Variants in CLVS1 observed in about 807,000 individuals in gnomAD.
CLVS1 encodes the protein clavesin 1, also known as clavesin-1.
In CLVS1, 10 loss-of-function variants were observed where a neutral mutation model predicts 33.1. The ratio of observed to expected loss-of-function variants is 0.30; its 90% CI spans 0.19 to 0.51. The LOEUF (loss-of-function observed/expected upper bound fraction) is 0.51. Among genes scored for constraint, CLVS1 ranks in the 20% least tolerant of loss-of-function variants. The pLI, the probability that CLVS1 is intolerant of heterozygous loss-of-function variation, is 0.97. For missense variants in CLVS1, 343 were observed against 433.4 expected (o/e 0.79, Z 1.85); for synonymous variants, 163 against 166.1 (o/e 0.98, Z 0.14).
the CLVS1 span, among the ~76,000 whole-genome samples, chr8:61,033,006 A>ATAG: frequency 9.1e-6 from 1 of 109,610 alleles, no homozygotes; most frequent in African/African-American, 3.8e-5. Flanking sequence ...AGAAAGAAAG[A>ATAG]AAGAAAGAAA....
chr8:61,462,179 G>A (rs2129607340), intron 5 of CLVS1, among the ~76,000 whole-genome samples: 2 of 152,292 alleles, frequency 1.3e-5, no homozygotes, highest in East Asian at 3.9e-4. Flanking sequence ...TAACATTCAT[G>A]ACGGTTGGGC....
At chr8:61,477,137 C>T (rs138884343) in intron 5 of CLVS1, among the ~76,000 whole-genome samples, 101 of 152,248 alleles carry the variant, frequency 6.6e-4, no homozygotes, top group East Asian at 5.4e-3. Context: ...TTGCATCCCA[C>T]GGATGAAGCA....
chr8:61,284,966 C>T (rs1809746384), upstream of CLVS1, among the ~76,000 whole-genome samples: 1 of 152,122 alleles, frequency 6.6e-6, no homozygotes, highest in African/African-American at 2.4e-5. Flanking sequence ...CAGATCTAAG[C>T]TCTGTGCCTC....
At chr8:61,469,308 G>A (rs1817659758) in intron 5 of CLVS1, among the ~76,000 whole-genome samples, 2 of 152,150 alleles carry the variant, frequency 1.3e-5, no homozygotes, top group Non-Finnish European at 1.5e-5. Flanking sequence ...TGCCATAGAA[G>A]ACCTACTTCT....
At chr8:61,186,271 C>T (rs1807342370) in intron 2 of CLVS1, among the ~76,000 whole-genome samples, 2 of 152,206 alleles carry the variant, frequency 1.3e-5, no homozygotes, top group South Asian at 4.1e-4. Context: ...TTACTTTCTG[C>T]AAGATTAAAA....
intron 1 of CLVS1, among the ~76,000 whole-genome samples, chr8:61,074,844 A>G (rs1297224289): frequency 1.3e-5 from 2 of 152,210 alleles, no homozygotes; most frequent in African/African-American, 4.8e-5. Context: ...CAAATGTTAA[A>G]TGAATACATA....
At position 61,296,310 on chromosome 8, in the gene CLVS1, C is replaced by T. The variant is rs546026205; in HGVS notation, c.-151-3367C>T. ...GATATAGATTGAAGCAAATTTATTT[C>T]ACATATTATAGATTGGAGGCATAGC... On this transcript the variant is annotated intron_variant, in intron 1 of 5. Transcript: ENST00000325897. Among the ~76,000 whole-genome samples the T allele has an allele frequency of 9.2e-5, 14 of 152,304 alleles. No homozygotes were observed. In the South Asian group the frequency reaches 2.9e-3, roughly 32 times the overall value.
chr8:61,296,668 T>C (rs1810222929), intron 1 of CLVS1, among the ~76,000 whole-genome samples: 1 of 152,204 alleles, frequency 6.6e-6, no homozygotes, highest in Non-Finnish European at 1.5e-5. Context: ...CATTTAAGGA[T>C]AAACTGTCCT....
At chr8:61,325,990 C>T (rs1811369803) in intron 2 of CLVS1, among the ~76,000 whole-genome samples, 1 of 152,160 alleles carries the variant, frequency 6.6e-6, no homozygotes, top group Admixed American at 6.6e-5. Flanking sequence ...TACATTATCT[C>T]AGAAAACACT....
intron 2 of CLVS1, among the ~76,000 whole-genome samples, chr8:61,371,525 C>T (rs942679141): frequency 2.0e-5 from 3 of 152,082 alleles, no homozygotes; most frequent in Admixed American, 1.3e-4. Flanking sequence ...AAGAGGCTGC[C>T]TCCTATTCCT....
chr8:61,301,560 C>T (rs1415423144), intron 2 of CLVS1, among the ~76,000 whole-genome samples: 1 of 152,196 alleles, frequency 6.6e-6, no homozygotes, highest in Non-Finnish European at 1.5e-5. Flanking sequence ...TAATGACAAG[C>T]TCTGCTAAGC....
At chr8:61,131,437 G>A (rs575906191) in intron 1 of CLVS1, among the ~76,000 whole-genome samples, 3 of 152,310 alleles carry the variant, frequency 2.0e-5, no homozygotes, top group Admixed American at 6.5e-5. Flanking sequence ...TATTGGGCTG[G>A]GAGTACATTG....
intron 5 of CLVS1, among the ~76,000 whole-genome samples, chr8:61,467,254 G>T (rs1444522916): frequency 6.6e-6 from 1 of 152,140 alleles, no homozygotes; most frequent in Non-Finnish European, 1.5e-5. Context: ...GATGCAACAC[G>T]CAGAAGGATA....
rs77386543 is a variant in CLVS1, at chr8:61,232,029, T to G, written c.-151-67648T>G. ...AGCCCTGAGGAAAGTTGTGGTTTTT[T>G]TTTTTTTTTTTTTTTTTTTTTGTGA... On this transcript the variant is annotated intron_variant, in intron 2 of 2. Transcript: ENST00000522621. 6.2e-3 allele frequency among the ~76,000 whole-genome samples: 268 copies of G among 43,542 alleles called. 2 individuals are homozygous for G. The highest frequency in any genetic ancestry group is 8.1e-3 in the South Asian group (11 of 1,352). The allele number at this position is 43,542 out of a possible 152,430, so 28.6% of individuals were successfully genotyped here.
At chr8:61,129,418 A>C (rs1806043019) in intron 1 of CLVS1, among the ~76,000 whole-genome samples, 1 of 152,210 alleles carries the variant, frequency 6.6e-6, no homozygotes, top group Non-Finnish European at 1.5e-5. Flanking sequence ...CATGGGCTAA[A>C]CCTGCATTTA....
chr8:61,380,792 A>G (rs73682281), intron 3 of CLVS1, among the ~76,000 whole-genome samples: 1,847 of 152,280 alleles, frequency 0.012, 30 homozygotes, highest in African/African-American at 0.042. Context: ...GCTTTGTGAC[A>G]TGTCCAAAAT....
chr8:61,216,571 A>G (rs1808092689), intron 2 of CLVS1, among the ~76,000 whole-genome samples: 1 of 152,220 alleles, frequency 6.6e-6, no homozygotes, highest in Non-Finnish European at 1.5e-5. Flanking sequence ...AGATGGAGGA[A>G]CCAGATTTAT....
intron 2 of CLVS1, among the ~76,000 whole-genome samples, chr8:61,275,183 A>G (rs187802965): frequency 6.6e-6 from 1 of 152,098 alleles, no homozygotes; most frequent in South Asian, 2.1e-4. Context: ...TTTTATTTTT[A>G]TTTTTTTAGT....
At chr8:61,460,424 G>A (rs1307999312) in intron 5 of CLVS1, among the ~76,000 whole-genome samples, 1 of 152,136 alleles carries the variant, frequency 6.6e-6, no homozygotes, top group African/African-American at 2.4e-5. Context: ...CCATGTCAAT[G>A]TAGTCTTTTT....
Sources: allele counts gnomAD v4.1 joint callset (sites outside exome capture counted in the v4.1 genomes callset), GRCh38; gene constraint gnomAD v4.1.1; transcripts MANE v1.5; gene names NCBI Gene and HGNC (gene_info 2026-07-23, HGNC 2026-07-21).